The following SEC31B variants were observed in gnomAD, a reference collection of about 807,000 sequenced individuals.
The protein encoded by SEC31B is protein transport protein Sec31B.
A neutral mutation model predicts 135.0 loss-of-function variants in SEC31B; 113 were observed. The ratio of observed to expected loss-of-function variants is 0.84; its 90% CI spans 0.72 to 0.98. The LOEUF (loss-of-function observed/expected upper bound fraction) is 0.98, where lower values mean the gene tolerates loss of function less well. Among genes scored for constraint, SEC31B ranks in the 50% least tolerant of loss-of-function variants. The pLI is 0.00. For missense variants in SEC31B, 1,296 were observed against 1,421.1 expected (o/e 0.91, Z 1.42); for synonymous variants, 508 against 549.4 (o/e 0.92, Z 1.05).
In SEC31B at chr10:100,487,191, A is replaced by T. The variant is rs1851198344; in HGVS notation, c.*425T>A. 1 of 187,998 alleles carries T rather than the reference A, an allele frequency of 5.3e-6. No homozygotes were observed. Among genetic ancestry groups the T allele is most frequent in the African/African-American group, 2.4e-5 (1 of 41,722 alleles). 11.6% of individuals were successfully genotyped at this position (187,998 alleles called of 1,614,324 possible). On this transcript the variant is annotated 3_prime_UTR_variant, in exon 26 of 26. Transcript: ENST00000370345. ...ACCAAGTCAGAGGCAGGGAAAAGGT[A>T]AGGGCAGGCTCATAAACCACAGAAG...
Position 100,497,116 on chromosome 10 carries a change from CCCTGCAGAGAAGGGGTA to C in SEC31B, c.2136+2_2136+18del. On this transcript the variant is annotated splice_donor_variant and splice_donor_5th_base_variant and intron_variant, in intron 17 of 25. Transcript: ENST00000370345. LOFTEE classifies it high-confidence loss of function. Reference sequence around the variant, plus strand: ...AGGGCCTGGTGTGGAGTGGCCAGTACCCTGCAGAGAAGGGGTACCTGCAGAGCCATGGGGGACAAAGC... The same window carrying C: ...AGGGCCTGGTGTGGAGTGGCCAGTACCCTGCAGAGCCATGGGGGACAAAGC... 1.2e-6 allele frequency: 2 copies of C among 1,613,740 alleles called. No homozygotes were observed. Among genetic ancestry groups the C allele is most frequent in the Non-Finnish European group, 1.7e-6 (2 of 1,179,822 alleles).
intron 1 of SEC31B, among the ~76,000 whole-genome samples, chr10:100,519,437 A>G (rs575388851): frequency 6.6e-6 from 1 of 152,380 alleles, no homozygotes; most frequent in East Asian, 1.9e-4. Context: ...CGCCAGGGTC[A>G]GCAATGACAG....
chr10:100,488,124 C>A, intron 24 of SEC31B, 26 bp from the exon 25 acceptor site: 1 of 1,605,388 alleles, frequency 6.2e-7, no homozygotes. Context: ...TGGATTCCAA[C>A]CCCAGCCCCT....
intron 1 of SEC31B, among the ~76,000 whole-genome samples, chr10:100,518,716 C>T (rs927072656): frequency 2.6e-5 from 4 of 152,222 alleles, no homozygotes; most frequent in African/African-American, 9.6e-5. Context: ...AAGCTTGGGA[C>T]CTACTGTGAC....
chr10:100,514,626 C>T (rs1006953326), intron 3 of SEC31B, among the ~76,000 whole-genome samples: 72 of 150,628 alleles, frequency 4.8e-4, no homozygotes, highest in African/African-American at 1.6e-3. Context: ...AAAGGGAAAA[C>T]GACAACTAAC....
intron 19 of SEC31B, 102 bp downstream of exon 19, chr10:100,495,283 G>A: frequency 9.8e-7 from 1 of 1,020,154 alleles, no homozygotes; most frequent in South Asian, 1.4e-5. Flanking sequence ...TATGGAAGTT[G>A]GGAATTTTCA....
At position 100,498,020 on chromosome 10, in the gene SEC31B, G is replaced by C. The variant is rs1355700281; in HGVS notation, c.1863+9C>G. The C allele has an allele frequency of 6.2e-7, 1 of 1,614,018 alleles. No individual in the cohort carries two copies. The highest frequency in any genetic ancestry group is 8.5e-7 in the Non-Finnish European group (1 of 1,179,940). On this transcript the variant is annotated intron_variant, in intron 15 of 25. Coordinates refer to ENST00000370345, the MANE Select transcript of SEC31B (RefSeq NM_015490.4). The stretch of plus-strand genomic sequence containing the variant: ...CCCTCCCTTCTTCTCCTGCATGATG[G>C]GCAGTTACCGAGGAGATTTTGGTTT...
rs561941798 is a variant in SEC31B at position 100,493,372 on chromosome 10, CA to C, written c.2472+2012del. Among the ~76,000 whole-genome samples, 270 of 130,046 alleles carry C rather than the reference CA, an allele frequency of 2.1e-3. 5 individuals carry two copies. Among genetic ancestry groups the C allele is most frequent in the Admixed American group, 1.4e-3 (18 of 12,808 alleles). 85.3% of individuals were successfully genotyped at this position (130,046 alleles called of 152,430 possible). On this transcript the variant is annotated intron_variant, in intron 19 of 25. Transcript: ENST00000370345. ...TGGGCAACAAAGCAAGACTCCATCT[CA>C]AAAAAAAAAAAAATTAAAACCATGG...
intron 19 of SEC31B, among the ~76,000 whole-genome samples, chr10:100,493,750 T>C (rs1162389439): frequency 2.0e-5 from 3 of 152,156 alleles, no homozygotes; most frequent in Non-Finnish European, 4.4e-5. Flanking sequence ...CCTAACAATA[T>C]GTAAAACTGG....
In SEC31B at chr10:100,496,306, C is replaced by T; in HGVS notation, c.2262G>A (p.Gln754=). 1.2e-6 allele frequency: 2 copies of T among 1,614,230 alleles called. No homozygotes were observed. Among genetic ancestry groups the T allele is most frequent in the Non-Finnish European group, 1.7e-6 (2 of 1,180,036 alleles). The change falls in exon 18 of 26, where the codon CAG becomes CAA. Residue 754 remains glutamine (Q), a synonymous_variant. Transcript: ENST00000370345. ...AGCTCATGGCAGTGGCCAGGCTGCC[C>T]TGGGCTGCCAGGAGGTTGGCATACT... The part of the protein sequence containing the change: ...VTQYANLLAA[Q]GSLATAMSFL...
Position 100,497,655 on chromosome 10 carries a change from G to A in SEC31B, c.1990+12C>T. 6.2e-7 allele frequency: 1 copy of A among 1,614,122 alleles called. No individual in the cohort carries two copies. Among genetic ancestry groups the A allele is most frequent in the Non-Finnish European group, 8.5e-7 (1 of 1,180,028 alleles). On this transcript the variant is annotated intron_variant, in intron 16 of 25. Transcript: ENST00000370345. ...CACACCATTTCATCCTGAAGCCTGG[G>A]ACCACACTTACCACAGAGCTCGGGA... is the stretch of plus-strand genomic sequence containing the variant.
intron 1 of SEC31B, among the ~76,000 whole-genome samples, chr10:100,519,024 A>G (rs1364365772): frequency 6.6e-6 from 1 of 152,222 alleles, no homozygotes; most frequent in African/African-American, 2.4e-5. Context: ...TGATGTGCAT[A>G]TCTCAGTTAA....
intron 5 of SEC31B, 33 bp downstream of exon 5, chr10:100,508,974 A>G: frequency 6.6e-7 from 1 of 1,526,040 alleles, no homozygotes; most frequent in Non-Finnish European, 9.1e-7. Flanking sequence ...TCAGCTGCAC[A>G]CTCCAGGGTT....
intron 20 of SEC31B, 54 bp from the exon 21 acceptor site, chr10:100,490,376 C>A (rs1392259021): frequency 1.1e-5 from 17 of 1,537,390 alleles, no homozygotes; most frequent in Non-Finnish European, 1.4e-5. Flanking sequence ...TCAGGAGCAA[C>A]TCAGAGCATA....
intron 10 of SEC31B, among the ~76,000 whole-genome samples, chr10:100,503,440 T>C (rs996231618): frequency 2.0e-5 from 3 of 152,030 alleles, no homozygotes; most frequent in African/African-American, 4.8e-5. Context: ...ACAACTTTTT[T>C]TTTTTTTTTT....
Position 100,517,053 on chromosome 10 carries a change from A to G in SEC31B, c.-45-56T>C, listed in dbSNP as rs553820126. On this transcript the variant is annotated intron_variant, in intron 1 of 25. Transcript: ENST00000370345. The stretch of plus-strand genomic sequence containing the variant: ...CAGATCCAGGGAGCATCTGCGGACA[A>G]GAGTTCTTGTTTGTCTTTCTCCATC... The G allele has an allele frequency of 3.6e-6, 3 of 844,334 alleles. No homozygotes were observed. The Admixed American group carries it at 6.1e-5, about 17-fold the overall frequency. The allele number at this position is 844,334 out of a possible 1,614,324, so 52.3% of individuals were successfully genotyped here. A position where few individuals can be genotyped will look rare whatever the true frequency, so the allele number is the denominator to read the frequency against.
rs140504657 is a variant in SEC31B, at chr10:100,488,056, A to G, written c.3331T>C (p.Tyr1111His). The G allele has an allele frequency of 3.0e-3, 4,910 of 1,613,810 alleles. 16 individuals are homozygous for G. Among genetic ancestry groups the G allele is most frequent in the Non-Finnish European group, 3.6e-3 (4,194 of 1,179,942 alleles). The stretch of plus-strand genomic sequence containing the variant: ...CCCTCACAGAGCTTCTCATATAGAT[A>G]CTCCAGACGCTGGGCTGCCTCTTCC... ...KLEEAAQRLE[Y>H]LYEKLCEGTL... Residue 1111 changes from tyrosine to histidine, a missense_variant, in exon 25 of 26, where the codon TAT (tyrosine) becomes CAT (histidine). Coordinates refer to ENST00000370345, the MANE Select transcript of SEC31B (RefSeq NM_015490.4).
In SEC31B at chr10:100,496,330, C is replaced by T. The variant is rs769997335; in HGVS notation, c.2238G>A (p.Gln746=). The change falls in exon 18 of 26, where the codon CAG becomes CAA. Residue 746 remains glutamine (Q), a synonymous_variant. Coordinates refer to ENST00000370345, the MANE Select transcript of SEC31B (RefSeq NM_015490.4). ...CCTGGGCTGCCAGGAGGTTGGCATA[C>T]TGAGTGACCCTGTAGGTTGTGGCAG... ...PGPATTYRVT[Q]YANLLAAQGS... is the part of the protein sequence containing the mutation. 6.8e-6 allele frequency: 11 copies of T among 1,614,106 alleles called. No individual in the cohort carries two copies. Among genetic ancestry groups the T allele is most frequent in the South Asian group, 1.1e-5 (1 of 91,082 alleles).
In SEC31B at chr10:100,489,237, C is replaced by T; in HGVS notation, c.3171+15G>A. On this transcript the variant is annotated intron_variant, in intron 23 of 25. Transcript: ENST00000370345. ...GAAGGTTTCCCAAGGGAGGGGAATA[C>T]ATTGTCCTTGTCACCTGCAGGCTGA... 6.2e-7 allele frequency: 1 copy of T among 1,600,252 alleles called. No homozygotes were observed. Among genetic ancestry groups the T allele is most frequent in the East Asian group, 2.2e-5 (1 of 44,770 alleles).
Sources: allele counts gnomAD v4.1 joint callset (sites outside exome capture counted in the v4.1 genomes callset), GRCh38; gene constraint gnomAD v4.1.1; transcripts MANE v1.5; gene names NCBI Gene and HGNC (gene_info 2026-07-23, HGNC 2026-07-21).